The following KAZN variants were observed in gnomAD, a reference collection of about 807,000 sequenced individuals.
The protein encoded by KAZN is kazrin, periplakin interacting protein.
A neutral mutation model predicts 87.4 loss-of-function variants in KAZN; 40 were observed. The observed-to-expected ratio is 0.46, with a 90% CI of 0.36 to 0.60. KAZN has a LOEUF of 0.60. KAZN is among the 20% of genes least tolerant of loss of function. The probability of loss-of-function intolerance (pLI) is 0.00; values close to 1 mark genes in which losing one functional copy is unlikely to be tolerated. For missense variants in KAZN, 898 were observed against 1,073.9 expected (o/e 0.84, Z 2.29); for synonymous variants, 466 against 458.3 (o/e 1.02, Z -0.22).
chr1:14,562,765 A>C (rs773456742), intron 2 of KAZN, among the ~76,000 whole-genome samples: 6 of 152,094 alleles, frequency 3.9e-5, no homozygotes, highest in Non-Finnish European at 7.3e-5. Context: ...TTATTTTCCA[A>C]TCACTTACAG....
Position 14,785,019 on chromosome 1 carries a change from A to G in KAZN, c.227-175665A>G, listed in dbSNP as rs116473918. Among the ~76,000 whole-genome samples, 812 of 148,384 alleles carry G rather than the reference A, an allele frequency of 5.5e-3. 8 individuals are homozygous for G. Among genetic ancestry groups the G allele is most frequent in the African/African-American group, 0.018 (702 of 39,994 alleles). On this transcript the variant is annotated intron_variant, in intron 1 of 14. Transcript: ENST00000376030. Reference sequence around the variant, plus strand: ...TAAAATGAGATAATGCCTCGGGGGTACTTTGAGAGATTAAGATGTAAGCAC... The same window carrying G: ...TAAAATGAGATAATGCCTCGGGGGTGCTTTGAGAGATTAAGATGTAAGCAC...
intron 2 of KAZN, among the ~76,000 whole-genome samples, chr1:14,507,427 ATAAACAT>A (rs1326416753): frequency 6.6e-6 from 1 of 152,212 alleles, no homozygotes; most frequent in Non-Finnish European, 1.5e-5. Context: ...AGATATAAAC[ATAAACAT>A]TAGTTTCTAT....
intron 1 of KAZN, among the ~76,000 whole-genome samples, chr1:14,917,700 A>C (rs566894184): frequency 6.6e-6 from 1 of 152,216 alleles, no homozygotes; most frequent in South Asian, 2.1e-4. Context: ...AGTGATTTGC[A>C]TCCTGGCCTC....
rs538775561 is a variant in KAZN, at chr1:14,534,622, G to T, written c.250-64361G>T. On this transcript the variant is annotated intron_variant, in intron 2 of 16. Transcript: ENST00000636203. ...ATCGCACCACTGCACTCCAGCCTGG[G>T]AGCCAGAGCGAGACTCCATCTCAAA... is the stretch of plus-strand genomic sequence containing the variant. 4.6e-5 allele frequency among the ~76,000 whole-genome samples: 7 copies of T among 152,052 alleles called. 1 individual carries two copies. Among genetic ancestry groups the T allele is most frequent in the African/African-American group, 1.7e-4 (7 of 41,500 alleles).
At chr1:14,296,285 A>G (rs1225575727) in intron 2 of KAZN, among the ~76,000 whole-genome samples, 1 of 152,196 alleles carries the variant, frequency 6.6e-6, no homozygotes, top group African/African-American at 2.4e-5. Flanking sequence ...TCTTGCTGTT[A>G]CAGACGTGAC....
At chr1:13,973,514 C>T (rs1012157482) in intron 1 of KAZN, among the ~76,000 whole-genome samples, 11 of 152,166 alleles carry the variant, frequency 7.2e-5, no homozygotes, top group African/African-American at 2.7e-4. Context: ...TCAGGCAGTC[C>T]CCTTCATACA....
At chr1:14,739,655 C>T (rs1210060384) in intron 1 of KAZN, among the ~76,000 whole-genome samples, 3 of 151,632 alleles carry the variant, frequency 2.0e-5, no homozygotes, top group Non-Finnish European at 4.4e-5. Flanking sequence ...CTTCACACCA[C>T]CAACTTCCCC....
intron 2 of KAZN, chr1:14,223,049 C>T (rs1647143021): frequency 1.3e-5 from 2 of 152,188 alleles, no homozygotes; most frequent in South Asian, 4.2e-4. Flanking sequence ...GCTGAGGGAG[C>T]TTACCCAAGG....
At chr1:13,947,672 C>T (rs1359440479) in intron 1 of KAZN, among the ~76,000 whole-genome samples, 2 of 152,150 alleles carry the variant, frequency 1.3e-5, no homozygotes, top group East Asian at 3.9e-4. Flanking sequence ...AGAAATTTAT[C>T]GTCTCACAGT....
rs1640025367 is a variant in KAZN, at chr1:15,081,984, G to A, written c.1223-12196G>A. 6.6e-6 allele frequency among the ~76,000 whole-genome samples: 1 copy of A among 152,156 alleles called. No homozygotes were observed. Among genetic ancestry groups the A allele is most frequent in the Non-Finnish European group, 1.5e-5 (1 of 68,026 alleles). ...GGAATGAAAGAGAAAGAGGGAGGTA[G>A]GGTGTTGAGATACAGCTGGAGTGCT... is the stretch of plus-strand genomic sequence containing the variant. On this transcript the variant is annotated intron_variant, in intron 8 of 14. Coordinates refer to ENST00000376030, the MANE Select transcript of KAZN (RefSeq NM_201628.3). This position sits in a 1 kb window ranked among gnomAD's most constrained non-coding sequence, Gnocchi z 4.1.
chr1:14,052,037 G>A (rs896049490), intron 1 of KAZN, among the ~76,000 whole-genome samples: 2 of 152,270 alleles, frequency 1.3e-5, no homozygotes, highest in Admixed American at 6.5e-5. Context: ...CTGCTTCACC[G>A]TGTGGTTTGG....
intron 2 of KAZN, among the ~76,000 whole-genome samples, chr1:14,250,542 T>A (rs903132677): frequency 6.6e-6 from 1 of 150,954 alleles, no homozygotes; most frequent in Non-Finnish European, 1.5e-5. Context: ...ACAACTAACA[T>A]CACAGAAACA....
At chr1:14,023,761 G>A (rs1287686323) in intron 1 of KAZN, among the ~76,000 whole-genome samples, 1 of 152,172 alleles carries the variant, frequency 6.6e-6, no homozygotes, top group Non-Finnish European at 1.5e-5. Flanking sequence ...CAGATGCCAG[G>A]AGGGGAAGTG....
rs997974353 is a variant in KAZN at position 15,116,439 on chromosome 1, G to C, written c.*1804G>C. On this transcript the variant is annotated 3_prime_UTR_variant, in exon 15 of 15. Transcript: ENST00000376030. ...ATGTCTAGTTGGTAGACAGGTGGAT[G>C]TTTGGCCTCCTAAGGGCACACTTCT... is the stretch of plus-strand genomic sequence containing the variant. 2.6e-5 allele frequency: 4 copies of C among 152,248 alleles called. No homozygotes were observed. The highest frequency in any genetic ancestry group is 2.6e-4 in the Admixed American group (4 of 15,284). The allele number at this position is 152,248 out of a possible 1,614,324, so 9.4% of individuals were successfully genotyped here. A position where few individuals can be genotyped will look rare whatever the true frequency, so the allele number is the denominator to read the frequency against.
chr1:14,401,412 AG>A (rs1663398965), intron 2 of KAZN, among the ~76,000 whole-genome samples: 1 of 151,736 alleles, frequency 6.6e-6, no homozygotes, highest in Non-Finnish European at 1.5e-5. Flanking sequence ...TTGAACACAG[AG>A]GGAAAAATTC....
intron 2 of KAZN, among the ~76,000 whole-genome samples, chr1:14,300,000 G>A (rs1453836919): frequency 6.6e-6 from 1 of 152,104 alleles, no homozygotes; most frequent in Admixed American, 6.6e-5. Flanking sequence ...GGGGGTAGGA[G>A]GGGGAATATT....
At chr1:14,936,239 T>A (rs1660441972) in intron 1 of KAZN, among the ~76,000 whole-genome samples, 1 of 152,176 alleles carries the variant, frequency 6.6e-6, no homozygotes, top group South Asian at 2.1e-4. Context: ...CTGGCCTAGC[T>A]CACGGATCTG....
chr1:15,049,209 G>A lies in KAZN; in HGVS notation c.726+5050G>A, dbSNP rs573126552. Among the ~76,000 whole-genome samples the A allele has an allele frequency of 5.3e-5, 8 of 152,294 alleles. No individual in the cohort carries two copies. In the East Asian group the frequency reaches 1.4e-3, roughly 26 times the overall value. On this transcript the variant is annotated intron_variant, in intron 4 of 14. Transcript: ENST00000376030. ...CACCAGCCTCCCTAGTCACATGTGG[G>A]GCTGGGAGACAGGGCTGCCTGCTCC...
At chr1:14,437,130 C>T (rs963562713) in intron 2 of KAZN, among the ~76,000 whole-genome samples, 18 of 152,136 alleles carry the variant, frequency 1.2e-4, no homozygotes, top group Non-Finnish European at 2.6e-4. Flanking sequence ...CCAGTTAGAT[C>T]CTGCATGGAA....
Sources: allele counts gnomAD v4.1 joint callset (sites outside exome capture counted in the v4.1 genomes callset), GRCh38; gene constraint gnomAD v4.1.1; non-coding constraint Gnocchi (gnomAD v3.1); transcripts MANE v1.5; gene names NCBI Gene and HGNC (gene_info 2026-07-23, HGNC 2026-07-21).